Variants in ZNF729 observed in about 807,000 individuals in gnomAD.
The protein encoded by ZNF729 is zinc finger protein 729.
ZNF729 carries 15 observed loss-of-function variants against 12.2 expected under a neutral mutation model. The observed-to-expected ratio is 1.23, with a 90% CI of 0.82 to 1.89. The LOEUF (loss-of-function observed/expected upper bound fraction) is 1.89. Among genes scored for constraint, ZNF729 ranks in the 40% most tolerant of loss-of-function variants. ZNF729 has a pLI of 0.00. For synonymous variants in ZNF729, 492 were observed against 476.3 expected, an observed-to-expected ratio of 1.03 and a Z score of -0.43; for missense variants, 1,540 against 1,456.7, an observed-to-expected ratio of 1.06 and a Z score of -0.93.
chr19:22,300,859 G>T (rs1968295942), intron 1 of ZNF729, among the ~76,000 whole-genome samples: 2 of 152,130 alleles, frequency 1.3e-5, no homozygotes, highest in African/African-American at 2.4e-5. Flanking sequence ...CCACAAATGT[G>T]CAGGGAAAAC....
intron 1 of ZNF729, among the ~76,000 whole-genome samples, chr19:22,287,919 C>T (rs1336482864): frequency 6.7e-6 from 1 of 149,812 alleles, no homozygotes; most frequent in African/African-American, 2.5e-5. Flanking sequence ...GATCTTGGCT[C>T]ACCACAACCT....
intron 3 of ZNF729, among the ~76,000 whole-genome samples, chr19:22,308,588 C>T (rs759682747): frequency 6.6e-6 from 1 of 151,686 alleles, no homozygotes; most frequent in South Asian, 2.1e-4. Flanking sequence ...AAGGTGGTAT[C>T]GTATTGTGGT....
rs1968357552 is a variant in ZNF729 at position 22,304,718 on chromosome 19, C to T, written c.188C>T (p.Thr63Ile). ...GMAVFKPDLI[T>I]CLKQGKEPWN... ...GCTGTCTTTAAGCCAGACTTGATAACTTGTCTGAAGCAAGGGAAAGAGCCT... is the reference window on the plus strand; with the variant it reads ...GCTGTCTTTAAGCCAGACTTGATAATTTGTCTGAAGCAAGGGAAAGAGCCT... Residue 63 changes from threonine to isoleucine, a missense_variant, in exon 3 of 4, where the codon ACT becomes ATT. Transcript: ENST00000601693. 2 of 1,612,906 alleles carry T rather than the reference C, an allele frequency of 1.2e-6. No homozygotes were observed. The highest frequency in any genetic ancestry group is 1.7e-5 in the Admixed American group (1 of 59,898).
In ZNF729 at chr19:22,314,407, C is replaced by T; in HGVS notation, c.990C>T (p.Asn330=). The change falls in exon 4 of 4, where the codon AAC becomes AAT. Residue 330 remains asparagine (N), a synonymous_variant. Transcript: ENST00000601693. ...YKCEDCGKTF[N]HFSALRKHKI... ...GTGAAGATTGTGGCAAAACTTTTAA[C>T]CATTTCTCAGCCCTTAGAAAACATA... 6.3e-7 allele frequency: 1 copy of T among 1,590,694 alleles called. No homozygotes were observed. Among genetic ancestry groups the T allele is most frequent in the Non-Finnish European group, 8.6e-7 (1 of 1,165,926 alleles).
At chr19:22,288,133 C>T (rs531691664) in intron 1 of ZNF729, among the ~76,000 whole-genome samples, 1 of 152,026 alleles carries the variant, frequency 6.6e-6, no homozygotes, top group African/African-American at 2.4e-5. Context: ...CGTGAGTCAC[C>T]GTGCCCAGCC....
At chr19:22,288,616 C>T (rs1968112269) in intron 1 of ZNF729, among the ~76,000 whole-genome samples, 2 of 152,150 alleles carry the variant, frequency 1.3e-5, no homozygotes, top group Admixed American at 6.6e-5. Flanking sequence ...TCCTGGCATA[C>T]TCTTCCTTTG....
chr19:22,313,168 C>T (rs1477502981), intron 3 of ZNF729, among the ~76,000 whole-genome samples: 17 of 152,036 alleles, frequency 1.1e-4, no homozygotes, highest in Admixed American at 1.0e-3. Context: ...GTGATTGCCT[C>T]AGCCTCCCAA....
chr19:22,316,407 G>C lies in ZNF729; in HGVS notation c.2990G>C (p.Cys997Ser). 6.2e-7 allele frequency: 1 copy of C among 1,613,718 alleles called. No homozygotes were observed. Residue 997 changes from cysteine to serine, a missense_variant, in exon 4 of 4, where the codon TGT (cysteine) becomes TCT (serine). Cys to Ser is a moderately radical substitution (Grantham distance 112). Coordinates refer to ENST00000601693, the MANE Select transcript of ZNF729 (RefSeq NM_001242680.2). The part of the protein sequence containing the change: ...TGEKPYKCEE[C>S]GKDFNNSSTL... ...GAGAAACCCTACAAATGCGAAGAAT[G>C]TGGCAAAGATTTTAACAATTCCTCA...
chr19:22,298,714 G>T lies in ZNF729; in HGVS notation c.31-5044G>T, dbSNP rs543632837. Reference sequence around the variant, plus strand: ...TTTTTAGTAGAGACGGGGTTTCACCGTGTTGTGCAGGCTGGTCTCAAACTC... The same window carrying T: ...TTTTTAGTAGAGACGGGGTTTCACCTTGTTGTGCAGGCTGGTCTCAAACTC... On this transcript the variant is annotated intron_variant, in intron 1 of 3. Transcript: ENST00000601693. Among the ~76,000 whole-genome samples the T allele has an allele frequency of 8.5e-5, 13 of 152,108 alleles. No homozygotes were observed. The South Asian group carries it at 2.1e-3, about 24-fold the overall frequency.
In ZNF729 at chr19:22,316,194, A is replaced by C; in HGVS notation, c.2777A>C (p.His926Pro). 1 of 1,613,006 alleles carries C rather than the reference A, an allele frequency of 6.2e-7. No individual in the cohort carries two copies. Among genetic ancestry groups the C allele is most frequent in the Non-Finnish European group, 8.5e-7 (1 of 1,179,522 alleles). ...AFKHFSALRK[H>P]KIIHTGKKPY... ...AAGCATTTCTCAGCCCTTAGAAAAC[A>C]TAAGATAATTCATACTGGAAAGAAA... Residue 926 changes from histidine to proline, a missense_variant, in exon 4 of 4, where the codon CAT becomes CCT. By Grantham distance (77) the His-to-Pro change is moderately conservative. Transcript: ENST00000601693.
At chr19:22,305,081 GAC>G (rs1411658552) in intron 3 of ZNF729, among the ~76,000 whole-genome samples, 3 of 152,140 alleles carry the variant, frequency 2.0e-5, no homozygotes, top group African/African-American at 7.2e-5. Context: ...TGTTATTGGG[GAC>G]ACACAAATAT....
At chr19:22,295,031 T>C (rs918035281) in intron 1 of ZNF729, among the ~76,000 whole-genome samples, 4 of 140,350 alleles carry the variant, frequency 2.9e-5, no homozygotes, top group African/African-American at 1.2e-4. Flanking sequence ...GGTGTACTCC[T>C]AGATATTTGT....
intron 1 of ZNF729, among the ~76,000 whole-genome samples, chr19:22,298,623 C>T (rs1401234022): frequency 2.0e-5 from 3 of 152,148 alleles, no homozygotes; most frequent in African/African-American, 7.2e-5. Flanking sequence ...AGGTGATTCT[C>T]CTGCCTCAGC....
chr19:22,294,712 A>G (rs1939157842), intron 1 of ZNF729, among the ~76,000 whole-genome samples: 2 of 140,470 alleles, frequency 1.4e-5, no homozygotes, highest in Non-Finnish European at 1.5e-5. Context: ...GATGGAGTGC[A>G]ATGGCACAGT....
At chr19:22,312,923 C>T (rs1437366528) in intron 3 of ZNF729, among the ~76,000 whole-genome samples, 1 of 151,956 alleles carries the variant, frequency 6.6e-6, no homozygotes, top group African/African-American at 2.4e-5. Context: ...ATGTTGGTCA[C>T]GCTGGTCTCG....
At chr19:22,308,554 T>A (rs1165546549) in intron 3 of ZNF729, among the ~76,000 whole-genome samples, 5 of 152,050 alleles carry the variant, frequency 3.3e-5, no homozygotes, top group East Asian at 1.9e-4. Flanking sequence ...ATTTTTTTTT[T>A]ATTATGGCCA....
At position 22,314,988 on chromosome 19, in the gene ZNF729, C is replaced by A; in HGVS notation, c.1571C>A (p.Ala524Asp). Residue 524 changes from alanine to aspartate, a missense_variant, in exon 4 of 4, where the codon GCT becomes GAT. By Grantham distance (126) the Ala-to-Asp change is moderately radical. Coordinates refer to ENST00000601693, the MANE Select transcript of ZNF729 (RefSeq NM_001242680.2). ...KPYKCEECGKAFSQSSTLRNH... is the reference protein window; with the variant it reads ...KPYKCEECGKDFSQSSTLRNH... ...TACAAATGTGAAGAATGTGGGAAAG[C>A]TTTTAGCCAGTCCTCAACCCTTAGA... 6.2e-7 allele frequency: 1 copy of A among 1,611,872 alleles called. No homozygotes were observed.
chr19:22,316,566 G>T lies in ZNF729; in HGVS notation c.3149G>T (p.Cys1050Phe). The T allele has an allele frequency of 6.2e-7, 1 of 1,613,542 alleles. No homozygotes were observed. ...CATACTGGGGAGAAACCCTACAAAT[G>T]TGAAGAATGTGGTAAAGCTTTTAAG... The part of the protein sequence containing the change: ...IIHTGEKPYK[C>F]EECGKAFKWS... Residue 1050 changes from cysteine to phenylalanine, a missense_variant, in exon 4 of 4, where the codon TGT becomes TTT. Physicochemically the swap from Cys to Phe is radical, Grantham distance 205. Transcript: ENST00000601693.
chr19:22,292,042 T>A (rs927051200), intron 1 of ZNF729, among the ~76,000 whole-genome samples: 1 of 152,010 alleles, frequency 6.6e-6, no homozygotes, highest in Non-Finnish European at 1.5e-5. Flanking sequence ...AGCGAGTTTT[T>A]TGTTTTAACT....
Sources: allele counts gnomAD v4.1 joint callset (sites outside exome capture counted in the v4.1 genomes callset), GRCh38; gene constraint gnomAD v4.1.1; transcripts MANE v1.5; gene names NCBI Gene and HGNC (gene_info 2026-07-23, HGNC 2026-07-21).